Variants in MAP1A observed in about 807,000 individuals in gnomAD.
MAP1A encodes the protein microtubule associated protein 1A, also known as microtubule-associated protein 1A.
Under a neutral mutation model 185.9 loss-of-function variants are expected in MAP1A, and 42 were observed. The ratio of observed to expected loss-of-function variants is 0.23; its 90% CI spans 0.18 to 0.29. The LOEUF (loss-of-function observed/expected upper bound fraction) is 0.29. Among genes scored for constraint, MAP1A ranks in the 10% least tolerant of loss-of-function variants. The pLI, the probability that MAP1A is intolerant of heterozygous loss-of-function variation, is 1.00. For missense variants in MAP1A, 2,995 were observed against 3,450.4 expected (o/e 0.87, Z 3.31); for synonymous variants, 1,229 against 1,335.9 (o/e 0.92, Z 1.74).
rs755255013 is a variant in MAP1A, at chr15:43,525,715, C to T, written c.4242C>T (p.Asp1414=). The change falls in exon 4 of 6, where the codon GAC becomes GAT. Residue 1414 remains aspartate (D), a synonymous_variant. Coordinates refer to ENST00000300231, the MANE Select transcript of MAP1A (RefSeq NM_002373.6). ...QDKALEQKGR[D]LEQKDTALEQ... is the part of the protein sequence containing the mutation. ...AGGCTTTAGAACAAAAGGGCAGAGA[C>T]TTAGAGCAAAAAGACACAGCCCTAG... 2 of 1,614,098 alleles carry T rather than the reference C, an allele frequency of 1.2e-6. No homozygotes were observed. The highest frequency in any genetic ancestry group is 1.7e-6 in the Non-Finnish European group (2 of 1,180,030).
rs2140207730 is a variant in MAP1A, at chr15:43,524,983, C to T, written c.3510C>T (p.Pro1170=). Residue 1170 remains proline (P), a synonymous_variant, in exon 4 of 6, where the codon CCC becomes CCT. Transcript: ENST00000300231. ...ACACTGCCAACCAAGAGCCTACCCCCAAGTCTCCCTGTGGCCTGACAGAAC... is the reference window on the plus strand; with the variant it reads ...ACACTGCCAACCAAGAGCCTACCCCTAAGTCTCCCTGTGGCCTGACAGAAC... ...SPDTANQEPT[P]KSPCGLTEQY... The T allele has an allele frequency of 6.2e-7, 1 of 1,614,180 alleles. No individual in the cohort carries two copies. The highest frequency in any genetic ancestry group is 8.5e-7 in the Non-Finnish European group (1 of 1,180,026).
At position 43,529,734 on chromosome 15, in the gene MAP1A, C is replaced by T; in HGVS notation, c.8120C>T (p.Ala2707Val). The T allele has an allele frequency of 1.2e-6, 2 of 1,614,214 alleles. No individual in the cohort carries two copies. The highest frequency in any genetic ancestry group is 1.7e-6 in the Non-Finnish European group (2 of 1,180,044). ...CCGAATCATTGCAGTGGCAAGACTGCTGACCTTGACTTCTTCCGTCGAGTG... is the reference window on the plus strand; with the variant it reads ...CCGAATCATTGCAGTGGCAAGACTGTTGACCTTGACTTCTTCCGTCGAGTG... ...YIPNHCSGKTADLDFFRRVRA... is the reference protein window; with the variant it reads ...YIPNHCSGKTVDLDFFRRVRA... Residue 2707 changes from alanine (A) to valine (V), a missense_variant, in exon 5 of 6, where the codon GCT becomes GTT. By Grantham distance (64) the Ala-to-Val change is moderately conservative. Around this residue, in one of 3 missense-constraint regions of MAP1A, gnomAD observed 2,728 missense variants for 2,986.0 expected, o/e 0.91. Coordinates refer to ENST00000300231, the MANE Select transcript of MAP1A (RefSeq NM_002373.6). The surrounding 1 kb of genome is among the most constrained non-coding windows in gnomAD (Gnocchi z 4.3).
chr15:43,526,783 G>A lies in MAP1A; in HGVS notation c.5310G>A (p.Glu1770=). ...CACCACAGAAGGGGCTAGAGGTGGAGCGCTGGCTTGCTGAATCACCAGTTG... is the reference window on the plus strand; with the variant it reads ...CACCACAGAAGGGGCTAGAGGTGGAACGCTGGCTTGCTGAATCACCAGTTG... ...ESSPQKGLEV[E]RWLAESPVGL... The change falls in exon 4 of 6, where the codon GAG becomes GAA. Residue 1770 remains glutamate, a synonymous_variant. Coordinates refer to ENST00000300231, the MANE Select transcript of MAP1A (RefSeq NM_002373.6). The surrounding 1 kb of genome is among the most constrained non-coding windows in gnomAD (Gnocchi z 4.7). 6.2e-7 allele frequency: 1 copy of A among 1,614,160 alleles called. No individual in the cohort carries two copies.
At position 43,525,204 on chromosome 15, in the gene MAP1A, A is replaced by G. The variant is rs765263419; in HGVS notation, c.3731A>G (p.Glu1244Gly). Residue 1244 changes from glutamate (E) to glycine (G), a missense_variant, in exon 4 of 6, where the codon GAG becomes GGG. Coordinates refer to ENST00000300231, the MANE Select transcript of MAP1A (RefSeq NM_002373.6). ...KEEMGHLMQAEDTSHHTAPMS... is the reference protein window; with the variant it reads ...KEEMGHLMQAGDTSHHTAPMS... ...GAAATGGGGCATCTGATGCAGGCCG[A>G]GGATACCTCTCACCACACAGCTCCC... The G allele has an allele frequency of 6.2e-7, 1 of 1,614,144 alleles. No individual in the cohort carries two copies. The highest frequency in any genetic ancestry group is 1.1e-5 in the South Asian group (1 of 91,090).
Position 43,527,017 on chromosome 15 carries a change from G to C in MAP1A, c.5544G>C (p.Lys1848Asn). ...CTGACATCCCACCCTGGGTGCCCAAGGACAGACCCCTCCCCCCTGCACCCC... is the reference window on the plus strand; with the variant it reads ...CTGACATCCCACCCTGGGTGCCCAACGACAGACCCCTCCCCCCTGCACCCC... ...WLADIPPWVP[K>N]DRPLPPAPLS... Residue 1848 changes from lysine (K) to asparagine (N), a missense_variant, in exon 4 of 6, where the codon AAG becomes AAC. This residue lies in a region of MAP1A where 2,728 missense variants were observed against 2,986.0 expected (regional missense o/e 0.91). Transcript: ENST00000300231. 6.2e-7 allele frequency: 1 copy of C among 1,609,540 alleles called. No individual in the cohort carries two copies.
At position 43,520,664 on chromosome 15, in the gene MAP1A, A is replaced by G. The variant is rs190758542; in HGVS notation, c.-351A>G. 352 of 1,549,518 alleles carry G rather than the reference A, an allele frequency of 2.3e-4. 1 individual carries two copies. The African/African-American group carries it at 4.2e-3, about 18-fold the overall frequency. ...AGGCCAGAGGACCCTTTGCCACCAG[A>G]GTGAGATCCTAGAGACCATCATCCT... On this transcript the variant is annotated 5_prime_UTR_variant, in exon 2 of 6. Transcript: ENST00000300231.
intron 1 of MAP1A, 61 bp downstream of exon 1, chr15:43,517,761 G>T: frequency 1.7e-6 from 1 of 578,184 alleles, no homozygotes; most frequent in Non-Finnish European, 2.2e-6. Flanking sequence ...AGGTGGGATG[G>T]GGGTCATGGA....
upstream of MAP1A, among the ~76,000 whole-genome samples, chr15:43,515,808 C>G (rs946425196): frequency 6.6e-6 from 1 of 152,138 alleles, no homozygotes. Context: ...TAGCTCAGCT[C>G]AAGCCTCTCT....
At position 43,524,158 on chromosome 15, in the gene MAP1A, C is replaced by A. The variant is rs1595648398; in HGVS notation, c.2685C>A (p.Ile895=). 1.9e-6 allele frequency: 3 copies of A among 1,614,194 alleles called. No individual in the cohort carries two copies. The highest frequency in any genetic ancestry group is 2.5e-6 in the Non-Finnish European group (3 of 1,180,032). The change falls in exon 4 of 6, where the codon ATC becomes ATA. Residue 895 remains isoleucine, a synonymous_variant. Coordinates refer to ENST00000300231, the MANE Select transcript of MAP1A (RefSeq NM_002373.6). ...GLDYVPSAGT[I]SPTSSLEEDK... The stretch of plus-strand genomic sequence containing the variant: ...ACTATGTGCCATCAGCTGGTACCAT[C>A]TCACCCACCTCCTCACTGGAAGAAG...
Position 43,528,579 on chromosome 15 carries a change from C to T in MAP1A, c.7106C>T (p.Pro2369Leu), listed in dbSNP as rs1226543256. 3.7e-6 allele frequency: 6 copies of T among 1,613,952 alleles called. No individual in the cohort carries two copies. The highest frequency in any genetic ancestry group is 4.2e-6 in the Non-Finnish European group (5 of 1,180,020). ...GGCCCAACTGAAACCAGCCCTAACCCCCCAGGCCCTGCCCCAGCCAAGGCT... is the reference window on the plus strand; with the variant it reads ...GGCCCAACTGAAACCAGCCCTAACCTCCCAGGCCCTGCCCCAGCCAAGGCT... ...ANGPTETSPN[P>L]PGPAPAKAEN... is the part of the protein sequence containing the mutation. Residue 2369 changes from proline to leucine, a missense_variant, in exon 4 of 6, where the codon CCC becomes CTC. By Grantham distance (98) the Pro-to-Leu change is moderately conservative. Transcript: ENST00000300231.
chr15:43,524,053 G>C lies in MAP1A; in HGVS notation c.2580G>C (p.Glu860Asp). The change falls in exon 4 of 6, where the codon GAG becomes GAC. Residue 860 changes from glutamate to aspartate, a missense_variant. Glu to Asp is a conservative substitution (Grantham distance 45, BLOSUM62 2). Transcript: ENST00000300231. ...SVASLTAPQTEETGKSSLLLD... is the reference protein window; with the variant it reads ...SVASLTAPQTDETGKSSLLLD... Reference sequence around the variant, plus strand: ...CCTCACTTACAGCTCCCCAGACAGAGGAGACAGGCAAGAGCTCCCTGCTGC... The same window carrying C: ...CCTCACTTACAGCTCCCCAGACAGACGAGACAGGCAAGAGCTCCCTGCTGC... 2 of 1,614,140 alleles carry C rather than the reference G, an allele frequency of 1.2e-6. No individual in the cohort carries two copies. Among genetic ancestry groups the C allele is most frequent in the Non-Finnish European group, 8.5e-7 (1 of 1,180,034 alleles).
chr15:43,522,357 C>G lies in MAP1A; in HGVS notation c.884C>G (p.Thr295Arg). The change falls in exon 4 of 6, where the codon ACG (threonine) becomes AGG (arginine). Residue 295 changes from threonine (T) to arginine (R), a missense_variant. Around this residue, in one of 3 missense-constraint regions of MAP1A, gnomAD observed 264 missense variants for 435.3 expected, o/e 0.61. Transcript: ENST00000300231. This position sits in a 1 kb window ranked among gnomAD's most constrained non-coding sequence, Gnocchi z 5.9. ...GACTTCCTGCGTTACCCTGTGGCCA[C>G]GCAGAAGGACCTGGCTTCTGGGGCT... Reference protein sequence around the residue: ...HLDFLRYPVATQKDLASGAVP... With the variant: ...HLDFLRYPVARQKDLASGAVP... 1.2e-6 allele frequency: 2 copies of G among 1,614,152 alleles called. No individual in the cohort carries two copies. Among genetic ancestry groups the G allele is most frequent in the Non-Finnish European group, 1.7e-6 (2 of 1,180,034 alleles).
chr15:43,517,605 C>G (rs1377102981), upstream of MAP1A: 1 of 675,472 alleles, frequency 1.5e-6, no homozygotes, highest in African/African-American at 2.0e-5. Context: ...CACCGCCCGC[C>G]CCACTCCCAC....
At chr15:43,513,676 A>G (rs139677269), upstream of MAP1A, among the ~76,000 whole-genome samples, 416 of 152,364 alleles carry the variant, frequency 2.7e-3, 2 homozygotes, top group African/African-American at 9.4e-3. Context: ...ATATTAATAT[A>G]TGTGAGGCTG....
chr15:43,529,282 G>A lies in MAP1A; in HGVS notation c.7809G>A (p.Gly2603=). 1 of 1,613,958 alleles carries A rather than the reference G, an allele frequency of 6.2e-7. No homozygotes were observed. ...TACGGGAGAAGGAAAAGGTTCAGGG[G>A]CGAGTAGGGCGCAGGGCCCCAGGCA... The part of the protein sequence containing the change: ...ERLREKEKVQ[G]RVGRRAPGKA... The change falls in exon 4 of 6, where the codon GGG becomes GGA. Residue 2603 remains glycine, a synonymous_variant. Transcript: ENST00000300231. This position sits in a 1 kb window ranked among gnomAD's most constrained non-coding sequence, Gnocchi z 4.3.
chr15:43,514,850 G>T (rs1236440175), upstream of MAP1A, among the ~76,000 whole-genome samples: 1 of 152,158 alleles, frequency 6.6e-6, no homozygotes. Flanking sequence ...ATAACTCTCT[G>T]ATTCTTTTAC....
chr15:43,524,204 C>T lies in MAP1A; in HGVS notation c.2731C>T (p.Pro911Ser). Residue 911 changes from proline (P) to serine (S), a missense_variant, in exon 4 of 6, where the codon CCC (proline) becomes TCC (serine). This residue lies in a region of MAP1A where 2,728 missense variants were observed against 2,986.0 expected (regional missense o/e 0.91). Transcript: ENST00000300231. Reference sequence around the variant, plus strand: ...AGAAGACAAGGGCTTCAAATCACCACCCTGTGAGGACTTCTCTGTGACTGG... The same window carrying T: ...AGAAGACAAGGGCTTCAAATCACCATCCTGTGAGGACTTCTCTGTGACTGG... ...LEEDKGFKSP[P>S]CEDFSVTGES... 1.2e-6 allele frequency: 2 copies of T among 1,614,190 alleles called. No homozygotes were observed. The highest frequency in any genetic ancestry group is 1.7e-6 in the Non-Finnish European group (2 of 1,180,040).
chr15:43,512,336 C>A, intron 2 of MAP1A: 1 of 1,346,764 alleles, frequency 7.4e-7, no homozygotes, highest in South Asian at 1.3e-5. Flanking sequence ...AAGAGCTGGT[C>A]ACAGAGGTCC....
rs372656438 is a variant in MAP1A at position 43,526,399 on chromosome 15, G to C, written c.4926G>C (p.Arg1642Ser). 8 of 1,614,196 alleles carry C rather than the reference G, an allele frequency of 5.0e-6. No individual in the cohort carries two copies. Among genetic ancestry groups the C allele is most frequent in the South Asian group, 1.1e-5 (1 of 91,080 alleles). Reference sequence around the variant, plus strand: ...GAGAGCAGGAAGAAAAGTACTGGAGGGGGCAGGATGTGGTCCAGGAGTGGC... The same window carrying C: ...GAGAGCAGGAAGAAAAGTACTGGAGCGGGCAGGATGTGGTCCAGGAGTGGC... ...RAREQEEKYW[R>S]GQDVVQEWQE... Residue 1642 changes from arginine (R) to serine (S), a missense_variant, in exon 4 of 6, where the codon AGG becomes AGC. Physicochemically the swap from Arg to Ser is moderately radical, Grantham distance 110. Coordinates refer to ENST00000300231, the MANE Select transcript of MAP1A (RefSeq NM_002373.6). This position sits in a 1 kb window ranked among gnomAD's most constrained non-coding sequence, Gnocchi z 4.7.
Sources: gnomAD v4.1 joint callset for allele counts (sites outside exome capture counted in the v4.1 genomes callset) on GRCh38, gnomAD v4.1.1 for gene constraint, gnomAD v4.1.1 regional missense constraint, Gnocchi (gnomAD v3.1) non-coding constraint, MANE v1.5 for transcripts, NCBI Gene and HGNC (gene_info 2026-07-23, HGNC 2026-07-21) for gene names.